The following C8orf34 variants were observed in gnomAD, a reference collection of about 807,000 sequenced individuals.
C8orf34 encodes the protein uncharacterized protein C8orf34.
In C8orf34, 65 loss-of-function variants were observed where a neutral mutation model predicts 68.3. The ratio of observed to expected loss-of-function variants is 0.95; its 90% CI spans 0.78 to 1.17. The LOEUF (loss-of-function observed/expected upper bound fraction) is 1.17, where lower values mean the gene tolerates loss of function less well. Among genes scored for constraint, C8orf34 ranks in the 50% most tolerant of loss-of-function variants. The pLI is 0.00. For synonymous variants in C8orf34, 244 were observed against 241.2 expected (o/e 1.01, Z -0.11); for missense variants, 664 against 655.4 (o/e 1.01, Z -0.14).
intron 7 of C8orf34, among the ~76,000 whole-genome samples, chr8:68,543,314 T>C (rs1248240598): frequency 1.3e-5 from 2 of 152,112 alleles, no homozygotes; most frequent in Non-Finnish European, 2.9e-5. Context: ...TTTTAAATAA[T>C]ATTAATTTTG....
Position 68,640,533 on chromosome 8 carries a change from G to GTA in C8orf34, c.1241+29_1241+30dup, listed in dbSNP as rs1276318223. Reference sequence around the variant, plus strand: ...CCAGGTAAAAGACATAATAGGTATAGTATATATAAACATGATCTTGATTTT... The same window carrying GTA: ...CCAGGTAAAAGACATAATAGGTATAGTATATATATAAACATGATCTTGATTTT... On this transcript the variant is annotated intron_variant, in intron 8 of 13. Coordinates refer to ENST00000518698, the MANE Select transcript of C8orf34 (RefSeq NM_052958.4). The GTA allele has an allele frequency of 3.7e-6, 6 of 1,601,600 alleles. No homozygotes were observed. The Admixed American group carries it at 8.7e-5, about 23-fold the overall frequency.
At chr8:68,369,832 C>G (rs1044912561) in intron 1 of C8orf34, among the ~76,000 whole-genome samples, 2 of 152,226 alleles carry the variant, frequency 1.3e-5, no homozygotes, top group Non-Finnish European at 2.9e-5. Flanking sequence ...CCCCTTGGCA[C>G]AGGCACTTCG....
In C8orf34 at chr8:68,331,311, A is replaced by G. The variant is rs763659923; in HGVS notation, c.299A>G (p.Glu100Gly). Residue 100 changes from glutamate (E) to glycine (G), a missense_variant, in exon 1 of 14, where the codon GAG becomes GGG. Transcript: ENST00000518698. ...CAAACCCGGATCCAGGCTTACCTGG[A>G]GAAGAACAAGATCGGTCCCCTGTTT... ...HPQTRIQAYL[E>G]KNKIGPLFEE... 6.5e-7 allele frequency: 1 copy of G among 1,536,338 alleles called. No individual in the cohort carries two copies. The highest frequency in any genetic ancestry group is 1.2e-5 in the South Asian group (1 of 84,070).
chr8:68,744,636 G>A (rs202161621), intron 10 of C8orf34, among the ~76,000 whole-genome samples: 15 of 151,738 alleles, frequency 9.9e-5, no homozygotes, highest in African/African-American at 1.5e-4. Context: ...GAGTATCAGC[G>A]ATGGAAGATG....
chr8:68,379,845 G>T (rs902079464), intron 1 of C8orf34, among the ~76,000 whole-genome samples: 1 of 151,878 alleles, frequency 6.6e-6, no homozygotes, highest in Non-Finnish European at 1.5e-5. Context: ...TTGTTGCATG[G>T]TTTTTGTTTA....
intron 12 of C8orf34, among the ~76,000 whole-genome samples, chr8:68,813,186 C>A (rs1039406784): frequency 6.6e-6 from 1 of 152,116 alleles, no homozygotes; most frequent in East Asian, 1.9e-4. Flanking sequence ...TTGTTTTCCC[C>A]ATCAAAGCTG....
chr8:68,536,383 A>AAG (rs1815475676), intron 7 of C8orf34, among the ~76,000 whole-genome samples: 1 of 144,908 alleles, frequency 6.9e-6, no homozygotes, highest in East Asian at 2.0e-4. Context: ...AAAAAAAAAA[A>AAG]GAAGAAAAAG....
At chr8:68,395,288 T>G (rs901497903) in intron 1 of C8orf34, among the ~76,000 whole-genome samples, 2 of 151,576 alleles carry the variant, frequency 1.3e-5, no homozygotes, top group Non-Finnish European at 2.9e-5. Context: ...TCACAAAATA[T>G]ATTATGTTTG....
chr8:68,630,804 G>A (rs1818667269), intron 7 of C8orf34, among the ~76,000 whole-genome samples: 1 of 151,708 alleles, frequency 6.6e-6, no homozygotes, highest in African/African-American at 2.4e-5. Flanking sequence ...TTTGCAGACA[G>A]GATCTCACTC....
At chr8:68,351,523 G>A (rs1806513024) in intron 1 of C8orf34, among the ~76,000 whole-genome samples, 1 of 152,020 alleles carries the variant, frequency 6.6e-6, no homozygotes, top group Non-Finnish European at 1.5e-5. Context: ...AGTTGTGGAA[G>A]TTTTCATGAA....
At chr8:68,687,518 C>T (rs145390367) in intron 8 of C8orf34, among the ~76,000 whole-genome samples, 3 of 152,046 alleles carry the variant, frequency 2.0e-5, no homozygotes, top group Non-Finnish European at 4.4e-5. Flanking sequence ...AGGGAAAGGA[C>T]ACCGTATTCA....
intron 12 of C8orf34, among the ~76,000 whole-genome samples, chr8:68,809,257 C>T (rs2129529865): frequency 6.6e-6 from 1 of 152,292 alleles, no homozygotes; most frequent in South Asian, 2.1e-4. Context: ...TACTTACTAA[C>T]TAGAAATGAT....
At chr8:68,652,768 G>C (rs1023186950) in intron 8 of C8orf34, among the ~76,000 whole-genome samples, 2 of 152,050 alleles carry the variant, frequency 1.3e-5, no homozygotes, top group African/African-American at 4.8e-5. Context: ...ATGCCTTACA[G>C]TGCCAAACTT....
chr8:68,812,168 T>C (rs1011353929), intron 12 of C8orf34, among the ~76,000 whole-genome samples: 6 of 152,202 alleles, frequency 3.9e-5, no homozygotes, highest in African/African-American at 1.4e-4. Flanking sequence ...ATATTTACAG[T>C]GTTCCAAATT....
intron 10 of C8orf34, among the ~76,000 whole-genome samples, chr8:68,722,699 C>T (rs1018163936): frequency 1.1e-4 from 16 of 151,904 alleles, no homozygotes; most frequent in African/African-American, 3.6e-4. Flanking sequence ...AATATAAGGT[C>T]TAGCAGGGCA....
chr8:68,704,859 C>A (rs981284924), intron 8 of C8orf34, among the ~76,000 whole-genome samples: 3 of 148,768 alleles, frequency 2.0e-5, no homozygotes, highest in Non-Finnish European at 4.5e-5. Flanking sequence ...AATGTGAAGA[C>A]CTCTTGCTCT....
intron 8 of C8orf34, among the ~76,000 whole-genome samples, chr8:68,664,785 G>T (rs911387763): frequency 1.3e-5 from 2 of 152,040 alleles, no homozygotes; most frequent in South Asian, 2.1e-4. Context: ...TTCATGAGAG[G>T]GATGGGCTGG....
chr8:68,550,471 T>C (rs1031004632), intron 7 of C8orf34, among the ~76,000 whole-genome samples: 1 of 151,922 alleles, frequency 6.6e-6, no homozygotes. Context: ...TAATACATTG[T>C]TGCTATTATT....
At chr8:68,816,361 G>A (rs1824819333) in intron 13 of C8orf34, among the ~76,000 whole-genome samples, 1 of 152,056 alleles carries the variant, frequency 6.6e-6, no homozygotes, top group South Asian at 2.1e-4. Context: ...TAGGATCTCA[G>A]AACAATTTCG....
Sources: gnomAD v4.1 joint callset for allele counts (sites outside exome capture counted in the v4.1 genomes callset) on GRCh38, gnomAD v4.1.1 for gene constraint, MANE v1.5 for transcripts, NCBI Gene and HGNC (gene_info 2026-07-23, HGNC 2026-07-21) for gene names.